The following ADAMTSL3 variants were observed in gnomAD, a reference collection of about 807,000 sequenced individuals.
ADAMTSL3 encodes ADAMTS like 3.
A neutral mutation model predicts 201.7 loss-of-function variants in ADAMTSL3; 128 were observed. That is an observed-to-expected ratio of 0.63 (90% CI 0.55 to 0.73). ADAMTSL3 has a LOEUF of 0.73. ADAMTSL3 is among the 30% of genes least tolerant of loss of function. The pLI is 0.00. For synonymous variants in ADAMTSL3, 738 were observed against 748.4 expected (o/e 0.99, Z 0.23); for missense variants, 1,990 against 2,119.6 (o/e 0.94, Z 1.20).
chr15:83,961,376 A>G (rs933060711), intron 19 of ADAMTSL3, among the ~76,000 whole-genome samples: 20 of 152,312 alleles, frequency 1.3e-4, no homozygotes, highest in Non-Finnish European at 1.9e-4. Context: ...TGAGAAGAAC[A>G]AAACACATGG....
intron 15 of ADAMTSL3, among the ~76,000 whole-genome samples, chr15:83,906,202 T>C (rs1348896694): frequency 6.6e-6 from 1 of 152,218 alleles, no homozygotes; most frequent in African/African-American, 2.4e-5. Context: ...CTTTTAAAAA[T>C]GTTCTTGATT....
intron 8 of ADAMTSL3, among the ~76,000 whole-genome samples, chr15:83,863,645 G>A (rs1035941171): frequency 2.6e-5 from 4 of 152,158 alleles, no homozygotes; most frequent in East Asian, 1.9e-4. Flanking sequence ...AGCACTAAAT[G>A]CCCACAAGAG....
At chr15:83,702,089 C>G (rs1314570077) in intron 2 of ADAMTSL3, among the ~76,000 whole-genome samples, 1 of 152,130 alleles carries the variant, frequency 6.6e-6, no homozygotes, top group Non-Finnish European at 1.5e-5. Flanking sequence ...AAAGGTGACT[C>G]TTGTTATGTT....
At chr15:83,681,406 G>C (rs76789978) in intron 2 of ADAMTSL3, among the ~76,000 whole-genome samples, 5 of 152,158 alleles carry the variant, frequency 3.3e-5, no homozygotes, top group African/African-American at 7.2e-5. Flanking sequence ...GGATGGGGTC[G>C]TGCACTTCTA....
chr15:83,744,834 A>G (rs1262873800), intron 3 of ADAMTSL3, among the ~76,000 whole-genome samples: 1 of 152,216 alleles, frequency 6.6e-6, no homozygotes, highest in Non-Finnish European at 1.5e-5. Flanking sequence ...GCCTTCCTAG[A>G]GAAGCCATTT....
At position 83,677,788 on chromosome 15, in the gene ADAMTSL3, A is replaced by G. The variant is rs151309646; in HGVS notation, c.69+21958A>G. On this transcript the variant is annotated intron_variant, in intron 2 of 29. Transcript: ENST00000286744. The stretch of plus-strand genomic sequence containing the variant: ...TATTTACATGAAAAGTAATTATACT[A>G]AATAATACTTCAGTTTTCCAGTTTT... Among the ~76,000 whole-genome samples, 677 of 152,228 alleles carry G rather than the reference A, an allele frequency of 4.4e-3. 6 individuals carry two copies. Among genetic ancestry groups the G allele is most frequent in the Middle Eastern group, 0.017 (5 of 294 alleles).
At chr15:83,981,919 T>C (rs1655510517) in intron 20 of ADAMTSL3, among the ~76,000 whole-genome samples, 1 of 152,246 alleles carries the variant, frequency 6.6e-6, no homozygotes, top group South Asian at 2.1e-4. Context: ...AGCCATTATA[T>C]GAGCATGGCC....
At chr15:83,982,181 C>A in intron 20 of ADAMTSL3, 92 bp from the exon 21 acceptor site, 1 of 930,304 alleles carries the variant, frequency 1.1e-6, no homozygotes, top group South Asian at 1.8e-5. Context: ...GTTTGTTAGC[C>A]TGTATCAGCC....
intron 7 of ADAMTSL3, among the ~76,000 whole-genome samples, chr15:83,839,783 T>C (rs980665327): frequency 5.9e-5 from 9 of 152,150 alleles, no homozygotes; most frequent in African/African-American, 2.2e-4. Context: ...ATTTTCCATC[T>C]TGTGCAGCTC....
In ADAMTSL3 at chr15:83,969,846, C is replaced by T. The variant is rs928387637; in HGVS notation, c.2491-638C>T. ...GGCACAGTTAACAATAGATAGTGTGCAATTCAAAATTTATTAAGAAGGTAG... is the reference window on the plus strand; with the variant it reads ...GGCACAGTTAACAATAGATAGTGTGTAATTCAAAATTTATTAAGAAGGTAG... On this transcript the variant is annotated intron_variant, in intron 19 of 29. Coordinates refer to ENST00000286744, the MANE Select transcript of ADAMTSL3 (RefSeq NM_207517.3). Among the ~76,000 whole-genome samples, 3 of 152,138 alleles carry T rather than the reference C, an allele frequency of 2.0e-5. No individual in the cohort carries two copies. The South Asian group carries it at 6.2e-4, about 31-fold the overall frequency.
chr15:83,659,267 C>G (rs1367270339), intron 2 of ADAMTSL3, among the ~76,000 whole-genome samples: 1 of 152,154 alleles, frequency 6.6e-6, no homozygotes, highest in African/African-American at 2.4e-5. Flanking sequence ...TGAAGAAGTC[C>G]TGGGAGGTCT....
chr15:83,861,442 A>G (rs945026697), intron 8 of ADAMTSL3: 1 of 167,470 alleles, frequency 6.0e-6, no homozygotes, highest in Non-Finnish European at 1.3e-5. Context: ...AGGAACGATC[A>G]GGCAGCAACA....
At chr15:83,873,405 A>G (rs1383111294) in intron 9 of ADAMTSL3, among the ~76,000 whole-genome samples, 2 of 145,560 alleles carry the variant, frequency 1.4e-5, no homozygotes, top group Non-Finnish European at 3.0e-5. Context: ...TCATTTTTAT[A>G]CCATTGGTTT....
chr15:83,846,092 C>G (rs994825928), intron 7 of ADAMTSL3, among the ~76,000 whole-genome samples: 2 of 152,206 alleles, frequency 1.3e-5, no homozygotes, highest in African/African-American at 4.8e-5. Context: ...TAGCCAAGCA[C>G]TGCAACACCC....
At chr15:83,783,362 G>A (rs1567142051) in intron 4 of ADAMTSL3, among the ~76,000 whole-genome samples, 1 of 151,952 alleles carries the variant, frequency 6.6e-6, no homozygotes. Context: ...AGAACATAGT[G>A]CAATTGTGAC....
intron 2 of ADAMTSL3, among the ~76,000 whole-genome samples, chr15:83,680,961 C>G (rs1008300691): frequency 4.6e-5 from 7 of 152,098 alleles, no homozygotes; most frequent in Non-Finnish European, 1.0e-4. Context: ...AACATTTTCT[C>G]TTACAGATTA....
At chr15:83,686,951 G>A (rs2061543878) in intron 2 of ADAMTSL3, among the ~76,000 whole-genome samples, 1 of 152,170 alleles carries the variant, frequency 6.6e-6, no homozygotes, top group African/African-American at 2.4e-5. Flanking sequence ...AGTGCTTTGA[G>A]GGGCTGAGGT....
intron 20 of ADAMTSL3, among the ~76,000 whole-genome samples, chr15:83,973,084 A>G (rs8030749): frequency 0.016 from 2,497 of 152,200 alleles, 77 homozygotes; most frequent in African/African-American, 0.057. Context: ...AACGTTTCCT[A>G]ACATCCAAGA....
At chr15:83,942,860 G>A in intron 18 of ADAMTSL3, 43 bp from the exon 19 acceptor site, 1 of 1,606,370 alleles carries the variant, frequency 6.2e-7, no homozygotes, top group Non-Finnish European at 8.5e-7. Context: ...CACTAACATA[G>A]AGTGGGCCAA....
Sources: gnomAD v4.1 joint callset for allele counts (sites outside exome capture counted in the v4.1 genomes callset) on GRCh38, gnomAD v4.1.1 for gene constraint, MANE v1.5 for transcripts, NCBI Gene and HGNC (gene_info 2026-07-23, HGNC 2026-07-21) for gene names.